Variants in MS4A18 observed in about 807,000 individuals in gnomAD.
MS4A18 encodes membrane-spanning 4-domains subfamily A member 18.
MS4A18 carries 27 observed loss-of-function variants against 13.1 expected under a neutral mutation model. The ratio of observed to expected loss-of-function variants is 2.06; its 90% CI spans 1.52 to 2.84. The LOEUF is 2.84. Ranked by LOEUF, MS4A18 falls within the 30% of genes most tolerant of loss-of-function variation. The pLI is 0.00. For synonymous variants in MS4A18, 126 were observed against 76.5 expected, an observed-to-expected ratio of 1.65 and a Z score of -3.38; for missense variants, 307 against 196.4, an observed-to-expected ratio of 1.56 and a Z score of -3.37.
upstream of MS4A18, among the ~76,000 whole-genome samples, chr11:60,727,685 A>G (rs17545910): frequency 0.029 from 4,438 of 152,306 alleles, 93 homozygotes; most frequent in Non-Finnish European, 0.045. Flanking sequence ...GTGTCTTGCC[A>G]GTAAGGACTG....
intron 5 of MS4A18, among the ~76,000 whole-genome samples, chr11:60,741,425 C>T (rs725277): frequency 0.18 from 27,192 of 152,032 alleles, 3,050 homozygotes; most frequent in African/African-American, 0.32. Context: ...TCTCCAGGGA[C>T]CTTCATGAAA....
upstream of MS4A18, among the ~76,000 whole-genome samples, chr11:60,728,462 A>G (rs1485311859): frequency 2.1e-5 from 3 of 142,472 alleles, no homozygotes; most frequent in Non-Finnish European, 4.6e-5. Flanking sequence ...GTCTGTGTCT[A>G]TGTCTGTGTT....
chr11:60,733,721 C>T, intron 2 of MS4A18, 74 bp downstream of exon 3: 1 of 700,918 alleles, frequency 1.4e-6, no homozygotes, highest in Non-Finnish European at 2.6e-6. Flanking sequence ...GAAGAAGGAG[C>T]ATGGAATCCC....
intron 5 of MS4A18, among the ~76,000 whole-genome samples, chr11:60,742,457 A>G (rs1853425058): frequency 6.6e-6 from 1 of 152,182 alleles, no homozygotes; most frequent in Non-Finnish European, 1.5e-5. Flanking sequence ...GATAAAAGCC[A>G]CACCTAAGAC....
intron 4 of MS4A18, among the ~76,000 whole-genome samples, chr11:60,740,725 G>A (rs1182121243): frequency 6.6e-6 from 1 of 152,190 alleles, no homozygotes; most frequent in Non-Finnish European, 1.5e-5. Context: ...TGGAGAGAGG[G>A]CTGTTCTCAA....
chr11:60,730,655 G>A lies in MS4A18; in HGVS notation c.477+863G>A, dbSNP rs1247683336. On this transcript the variant is annotated intron_variant, in intron 1 of 5. Transcript: ENST00000529108. ...CTGCCTCCTGGAGGCAGGAAGACAAGGACAGGTGCAGGAAGGGGACCCATT... is the reference window on the plus strand; with the variant it reads ...CTGCCTCCTGGAGGCAGGAAGACAAAGACAGGTGCAGGAAGGGGACCCATT... Among the ~76,000 whole-genome samples the A allele has an allele frequency of 3.3e-5, 5 of 152,326 alleles. No homozygotes were observed. In the East Asian group the frequency reaches 9.6e-4, roughly 29 times the overall value.
At chr11:60,733,506 C>G in intron 1 of MS4A18, 28 bp from the exon 3 acceptor site, 1 of 703,132 alleles carries the variant, frequency 1.4e-6, no homozygotes, top group Non-Finnish European at 2.6e-6. Flanking sequence ...CAGTTCTGCT[C>G]TCTCACAGTG....
At chr11:60,743,964 T>C (rs1590966506) in exon 6 of MS4A18, 1 of 703,020 alleles carries the variant, frequency 1.4e-6, no homozygotes, top group Non-Finnish European at 2.6e-6. Flanking sequence ...ACACCAGCAA[T>C]GTACCCCCGA....
At chr11:60,730,642 G>A (rs1003941058) in intron 1 of MS4A18, among the ~76,000 whole-genome samples, 1 of 152,180 alleles carries the variant, frequency 6.6e-6, no homozygotes, top group Non-Finnish European at 1.5e-5. Context: ...GCCTCCTGGA[G>A]GCAGGAAGAC....
chr11:60,738,725 A>C (rs1435107972), intron 3 of MS4A18, among the ~76,000 whole-genome samples, 177 bp from the exon 5 acceptor site: 2 of 152,118 alleles, frequency 1.3e-5, no homozygotes, highest in Non-Finnish European at 2.9e-5. Context: ...AGTTAAAAAA[A>C]AAAAAGCAAT....
upstream of MS4A18, chr11:60,729,250 T>C: frequency 1.5e-6 from 1 of 657,986 alleles, no homozygotes. Flanking sequence ...TGAGATAAGA[T>C]GCATTATTCA....
chr11:60,727,302 A>T (rs1853175302), upstream of MS4A18, among the ~76,000 whole-genome samples: 1 of 152,084 alleles, frequency 6.6e-6, no homozygotes, highest in South Asian at 2.1e-4. Flanking sequence ...TCAATCTTCA[A>T]AACACCCTTT....
At chr11:60,735,946 G>C (rs546991981) in intron 2 of MS4A18, among the ~76,000 whole-genome samples, 1 of 152,260 alleles carries the variant, frequency 6.6e-6, no homozygotes, top group African/African-American at 2.4e-5. Flanking sequence ...ACAGGCGTGA[G>C]CTAGCACGTC....
Position 60,744,007 on chromosome 11 carries a change from G to C in MS4A18, c.*13G>C, listed in dbSNP as rs1166605331. 8 of 696,422 alleles carry C rather than the reference G, an allele frequency of 1.1e-5. No individual in the cohort carries two copies. In the Admixed American group the frequency reaches 1.6e-4, roughly 14 times the overall value. 43.1% of individuals were successfully genotyped at this position (696,422 alleles called of 1,614,324 possible). A position where few individuals can be genotyped will look rare whatever the true frequency, so the allele number is the denominator to read the frequency against. Reference sequence around the variant, plus strand: ...TACCAAGAAATAGCTGATTTGCACAGAGATAGATGACATGGGATGCCTGTC... The same window carrying C: ...TACCAAGAAATAGCTGATTTGCACACAGATAGATGACATGGGATGCCTGTC... On this transcript the variant is annotated 3_prime_UTR_variant, in exon 6 of 6. Transcript: ENST00000529108.
chr11:60,739,020 C>T (rs1256140713), intron 4 of MS4A18, 23 bp downstream of exon 5: 1 of 702,424 alleles, frequency 1.4e-6, no homozygotes, highest in Non-Finnish European at 2.6e-6. Flanking sequence ...CTGCCAGGGC[C>T]CCGTGCTGCC....
chr11:60,743,547 G>A, intron 5 of MS4A18, 103 bp from the exon 7 acceptor site: 1 of 636,374 alleles, frequency 1.6e-6, no homozygotes, highest in South Asian at 1.8e-5. Context: ...CAGGGAGAGA[G>A]GGTCTACCTA....
At chr11:60,726,717 CTTTTATTTTA>C (rs3044411), upstream of MS4A18, among the ~76,000 whole-genome samples, 722 of 124,948 alleles carry the variant, frequency 5.8e-3, 2 homozygotes, top group East Asian at 0.014. Flanking sequence ...TGGGGTAACA[CTTTTATTTTA>C]TTTTATTTTA....
At chr11:60,730,172 G>T (rs1480358536) in intron 1 of MS4A18, among the ~76,000 whole-genome samples, 1 of 152,106 alleles carries the variant, frequency 6.6e-6, no homozygotes, top group African/African-American at 2.4e-5. Flanking sequence ...CCTCGCTCTG[G>T]GCCTCCATTT....
At chr11:60,738,788 C>A (rs1431428234) in intron 3 of MS4A18, 114 bp from the exon 5 acceptor site, 2 of 613,502 alleles carry the variant, frequency 3.3e-6, no homozygotes, top group Non-Finnish European at 5.8e-6. Flanking sequence ...CCCTGCCTGG[C>A]CAACTCTTTT....
Sources: gnomAD v4.1 joint callset for allele counts (sites outside exome capture counted in the v4.1 genomes callset) on GRCh38, gnomAD v4.1.1 for gene constraint, MANE v1.5 for transcripts, NCBI Gene and HGNC (gene_info 2026-07-23, HGNC 2026-07-21) for gene names.